Variants in GABRA2 observed in about 807,000 individuals in gnomAD.
The protein encoded by GABRA2 is gamma-aminobutyric acid receptor subunit alpha-2.
In GABRA2, 16 loss-of-function variants were observed where a neutral mutation model predicts 48.7. That is an observed-to-expected ratio of 0.33 (90% CI 0.22 to 0.50). The LOEUF is 0.50. GABRA2 is among the 20% of genes least tolerant of loss of function. The pLI is 0.98. For missense variants in GABRA2, 275 were observed against 535.6 expected, an observed-to-expected ratio of 0.51 and a Z score of 4.80; for synonymous variants, 185 against 184.5, an observed-to-expected ratio of 1.00 and a Z score of -0.02.
rs113248653 is a variant in GABRA2 at position 46,278,642 on chromosome 4, A to G, written c.857-16514T>C. 4.7e-3 allele frequency among the ~76,000 whole-genome samples: 713 copies of G among 152,152 alleles called. 6 individuals are homozygous for G. The highest frequency in any genetic ancestry group is 0.015 in the African/African-American group (639 of 41,522). On this transcript the variant is annotated intron_variant, in intron 8 of 9. Transcript: ENST00000381620. ...AAGAAATGTTCTTTTTCTTCTATCA[A>G]TTTTTCTGATCACATACAATATATA...
At chr4:46,251,965 T>C (rs1455678732) in intron 9 of GABRA2, among the ~76,000 whole-genome samples, 2 of 151,534 alleles carry the variant, frequency 1.3e-5, no homozygotes, top group Non-Finnish European at 3.0e-5. Flanking sequence ...GTTACTTGAA[T>C]ACAAAGTAAA....
chr4:46,326,434 T>C (rs1387714780), intron 4 of GABRA2, among the ~76,000 whole-genome samples: 3 of 151,514 alleles, frequency 2.0e-5, no homozygotes, highest in Non-Finnish European at 4.4e-5. Context: ...CAGAGGGCTG[T>C]AGCACAGATA....
intron 4 of GABRA2, among the ~76,000 whole-genome samples, chr4:46,326,730 A>C (rs879750277): frequency 4.0e-5 from 6 of 151,870 alleles, no homozygotes; most frequent in Non-Finnish European, 8.8e-5. Context: ...AACCACCATT[A>C]GATGGCCCCC....
intron 3 of GABRA2, among the ~76,000 whole-genome samples, chr4:46,344,931 A>G (rs990251944): frequency 2.6e-5 from 4 of 151,930 alleles, no homozygotes; most frequent in Admixed American, 6.6e-5. Flanking sequence ...ATAAAATGTA[A>G]AATATTGTAT....
At chr4:46,269,123 A>G (rs1418565310) in intron 8 of GABRA2, among the ~76,000 whole-genome samples, 1 of 151,916 alleles carries the variant, frequency 6.6e-6, no homozygotes, top group African/African-American at 2.4e-5. Context: ...TTTTGAGAAC[A>G]GTTGCAGAGT....
intron 4 of GABRA2, among the ~76,000 whole-genome samples, chr4:46,329,011 T>A (rs183961): frequency 6.6e-6 from 1 of 151,870 alleles, no homozygotes; most frequent in African/African-American, 2.4e-5. Flanking sequence ...TTTGTATGTG[T>A]CTGTGTTACT....
intron 3 of GABRA2, among the ~76,000 whole-genome samples, chr4:46,378,396 A>G (rs1444073195): frequency 2.6e-5 from 4 of 151,862 alleles, no homozygotes; most frequent in African/African-American, 9.7e-5. Flanking sequence ...TGCTGTATCC[A>G]CTCAGGGTTG....
intron 3 of GABRA2, among the ~76,000 whole-genome samples, chr4:46,340,701 AC>A (rs1733070857): frequency 6.6e-6 from 1 of 152,010 alleles, no homozygotes; most frequent in Non-Finnish European, 1.5e-5. Flanking sequence ...AATTTAATTT[AC>A]TAGTATTTTG....
chr4:46,319,606 G>A (rs1242172588), intron 4 of GABRA2, among the ~76,000 whole-genome samples: 1 of 151,572 alleles, frequency 6.6e-6, no homozygotes, highest in Non-Finnish European at 1.5e-5. Context: ...ATCAGCAAAG[G>A]GCCAGTAAAC....
At chr4:46,308,350 G>A (rs1180971334) in intron 6 of GABRA2, among the ~76,000 whole-genome samples, 4 of 152,108 alleles carry the variant, frequency 2.6e-5, no homozygotes, top group African/African-American at 4.8e-5. Context: ...GGACACTGAC[G>A]AAGTTCCTGA....
intron 8 of GABRA2, among the ~76,000 whole-genome samples, chr4:46,300,716 A>C (rs376153617): frequency 3.2e-4 from 48 of 152,120 alleles, no homozygotes; most frequent in South Asian, 1.0e-3. Context: ...TATCCACTTA[A>C]ATTATCCAAG....
chr4:46,343,989 A>C (rs1156377970), intron 3 of GABRA2, among the ~76,000 whole-genome samples: 1 of 151,936 alleles, frequency 6.6e-6, no homozygotes, highest in African/African-American at 2.4e-5. Flanking sequence ...GTGAGGATTA[A>C]GGCTTGACAG....
At chr4:46,319,826 G>T (rs79210378) in intron 4 of GABRA2, among the ~76,000 whole-genome samples, 5,479 of 151,548 alleles carry the variant, frequency 0.036, 156 homozygotes, top group Non-Finnish European at 0.054. Context: ...TATAATAGAA[G>T]TATTCAATAT....
intron 8 of GABRA2, among the ~76,000 whole-genome samples, chr4:46,293,502 G>C (rs984553946): frequency 6.6e-6 from 1 of 152,182 alleles, no homozygotes; most frequent in Non-Finnish European, 1.5e-5. Flanking sequence ...AGATAAAGTA[G>C]GGGCTTATGG....
intron 2 of GABRA2, among the ~76,000 whole-genome samples, chr4:46,387,810 CTT>C (rs1225931017): frequency 6.6e-6 from 1 of 151,962 alleles, no homozygotes; most frequent in African/African-American, 2.4e-5. Flanking sequence ...ATAATAAAGA[CTT>C]ATTAGATTTT....
chr4:46,324,841 A>G (rs1730067615), intron 4 of GABRA2, among the ~76,000 whole-genome samples: 1 of 151,822 alleles, frequency 6.6e-6, no homozygotes, highest in Non-Finnish European at 1.5e-5. Context: ...TTCCTGTATT[A>G]ATTTGCTTAG....
intron 4 of GABRA2, among the ~76,000 whole-genome samples, chr4:46,319,565 A>G (rs1729103566): frequency 6.6e-6 from 1 of 151,814 alleles, no homozygotes; most frequent in African/African-American, 2.4e-5. Flanking sequence ...CATTGCAAAA[A>G]TTGCAAAAAC....
At chr4:46,384,131 CAGA>C (rs1717129030) in intron 3 of GABRA2, among the ~76,000 whole-genome samples, 1 of 152,092 alleles carries the variant, frequency 6.6e-6, no homozygotes, top group African/African-American at 2.4e-5. Flanking sequence ...GTGGATGGAG[CAGA>C]ATTCCAGTCT....
At chr4:46,264,354 C>T (rs1425681669) in intron 8 of GABRA2, among the ~76,000 whole-genome samples, 1 of 151,974 alleles carries the variant, frequency 6.6e-6, no homozygotes, top group African/African-American at 2.4e-5. Flanking sequence ...TGTAGTATAA[C>T]GTTGAATAGA....
Sources: allele counts gnomAD v4.1 joint callset (sites outside exome capture counted in the v4.1 genomes callset), GRCh38; gene constraint gnomAD v4.1.1; transcripts MANE v1.5; gene names NCBI Gene and HGNC (gene_info 2026-07-23, HGNC 2026-07-21).